The following FBXO40 variants were observed in gnomAD, a reference collection of about 807,000 sequenced individuals.
FBXO40 encodes the protein F-box protein 40.
A neutral mutation model predicts 49.9 loss-of-function variants in FBXO40; 50 were observed. The ratio of observed to expected loss-of-function variants is 1.00; its 90% CI spans 0.80 to 1.27. The LOEUF is 1.27. FBXO40 is among the 50% of genes most tolerant of loss of function. The probability of loss-of-function intolerance (pLI) is 0.00; values close to 1 mark genes in which losing one functional copy is unlikely to be tolerated. For synonymous variants in FBXO40, 340 were observed against 320.2 expected, an observed-to-expected ratio of 1.06 and a Z score of -0.66; for missense variants, 895 against 870.1, an observed-to-expected ratio of 1.03 and a Z score of -0.36.
rs766483889 is a variant in FBXO40 at position 121,622,223 on chromosome 3, A to G, written c.794A>G (p.Lys265Arg). ...HNMVEGEGAP[K>R]KKEPQENQKQ... ...ATGGTAGAAGGAGAGGGCGCTCCCA[A>G]AAAGAAAGAACCACAGGAAAATCAG... The change falls in exon 3 of 4, where the codon AAA becomes AGA. Residue 265 changes from lysine (K) to arginine (R), a missense_variant. Lys to Arg is a conservative substitution (Grantham distance 26). Transcript: ENST00000338040. 2.6e-5 allele frequency: 42 copies of G among 1,613,990 alleles called. No individual in the cohort carries two copies. In the Admixed American group the frequency reaches 6.7e-4, roughly 26 times the overall value.
In FBXO40 at chr3:121,621,964, G is replaced by C; in HGVS notation, c.535G>C (p.Gly179Arg). The C allele has an allele frequency of 1.2e-6, 2 of 1,614,178 alleles. No homozygotes were observed. Among genetic ancestry groups the C allele is most frequent in the South Asian group, 1.1e-5 (1 of 91,080 alleles). Residue 179 changes from glycine (G) to arginine (R), a missense_variant, in exon 3 of 4, where the codon GGT becomes CGT. By Grantham distance (125) the Gly-to-Arg change is moderately radical (BLOSUM62 -2). Transcript: ENST00000338040. ...AGGAGCAGTGGGTGGAGTGGATATCGGTTTGGTACCACATGGTCTGTCAGC... is the reference window on the plus strand; with the variant it reads ...AGGAGCAGTGGGTGGAGTGGATATCCGTTTGGTACCACATGGTCTGTCAGC... Reference protein sequence around the residue: ...MGGAVGGVDIGLVPHGLSATN... With the variant: ...MGGAVGGVDIRLVPHGLSATN...
chr3:121,611,522 C>T (rs1422885252), intron 1 of FBXO40, among the ~76,000 whole-genome samples: 1 of 152,178 alleles, frequency 6.6e-6, no homozygotes, highest in Non-Finnish European at 1.5e-5. Context: ...TGACTCCCAC[C>T]ATAGGGTGGT....
chr3:121,613,990 T>C (rs6772887), intron 1 of FBXO40, among the ~76,000 whole-genome samples: 87,113 of 151,314 alleles, frequency 0.58, 25,442 homozygotes, highest in Admixed American at 0.64. Flanking sequence ...AAAATTAGAC[T>C]GGGCGCAGTG....
chr3:121,601,358 C>G (rs1159734477), intron 1 of FBXO40, among the ~76,000 whole-genome samples: 1 of 152,046 alleles, frequency 6.6e-6, no homozygotes, highest in Non-Finnish European at 1.5e-5. Context: ...CTCAAAGTCA[C>G]TCATCGGGTG....
At chr3:121,603,413 T>G (rs1021229991) in intron 1 of FBXO40, among the ~76,000 whole-genome samples, 1 of 152,252 alleles carries the variant, frequency 6.6e-6, no homozygotes, top group Non-Finnish European at 1.5e-5. Flanking sequence ...CATGCTCTGA[T>G]GTGCTCACTA....
In FBXO40 at chr3:121,621,678, G is replaced by C; in HGVS notation, c.249G>C (p.Lys83Asn). Residue 83 changes from lysine to asparagine, a missense_variant, in exon 3 of 4, where the codon AAG (lysine) becomes AAC (asparagine). Lys to Asn is a moderately conservative substitution (Grantham distance 94, BLOSUM62 0). Coordinates refer to ENST00000338040, the MANE Select transcript of FBXO40 (RefSeq NM_016298.4). ...PLSMSRHKLA[K>N]HLQVCPASVV... ...CCATGTCCCGCCACAAACTGGCCAA[G>C]CACCTGCAGGTGTGCCCCGCCAGCG... The C allele has an allele frequency of 6.2e-7, 1 of 1,614,224 alleles. No individual in the cohort carries two copies. Among genetic ancestry groups the C allele is most frequent in the Non-Finnish European group, 8.5e-7 (1 of 1,180,018 alleles).
Position 121,628,885 on chromosome 3 carries a change from G to C in FBXO40, c.*1975G>C, listed in dbSNP as rs1354062675. 1 of 152,172 alleles carries C rather than the reference G, an allele frequency of 6.6e-6. No homozygotes were observed. Among genetic ancestry groups the C allele is most frequent in the Non-Finnish European group, 1.5e-5 (1 of 68,036 alleles). 9.4% of individuals were successfully genotyped at this position (152,172 alleles called of 1,614,324 possible). A position where few individuals can be genotyped will look rare whatever the true frequency, so the allele number is the denominator to read the frequency against. On this transcript the variant is annotated 3_prime_UTR_variant, in exon 4 of 4. Coordinates refer to ENST00000338040, the MANE Select transcript of FBXO40 (RefSeq NM_016298.4). ...TCTCTTTGGTTATACCTGAAGCCAGGAGCGTTGAGTTATTAGCCTTGTGTT... is the reference window on the plus strand; with the variant it reads ...TCTCTTTGGTTATACCTGAAGCCAGCAGCGTTGAGTTATTAGCCTTGTGTT...
intron 1 of FBXO40, among the ~76,000 whole-genome samples, chr3:121,603,787 C>T: frequency 6.6e-6 from 1 of 152,146 alleles, no homozygotes; most frequent in Non-Finnish European, 1.5e-5. Flanking sequence ...GGCACGATCT[C>T]AGCTCACTGC....
chr3:121,605,149 C>T (rs1011259664), intron 1 of FBXO40, among the ~76,000 whole-genome samples: 14 of 151,974 alleles, frequency 9.2e-5, no homozygotes, highest in African/African-American at 3.1e-4. Context: ...ATTGGCCAGG[C>T]TGGTCTCAAA....
At chr3:121,623,573 T>G (rs190320483) in intron 3 of FBXO40, among the ~76,000 whole-genome samples, 1 of 152,156 alleles carries the variant, frequency 6.6e-6, no homozygotes, top group South Asian at 2.1e-4. Flanking sequence ...TACTGTGTTG[T>G]GCAGGCTGGT....
Position 121,622,093 on chromosome 3 carries a change from T to G in FBXO40, c.664T>G (p.Phe222Val). Reference protein sequence around the residue: ...LVKFGQWENIFSKEHAASALT... With the variant: ...LVKFGQWENIVSKEHAASALT... ...CAAGTTTGGCCAGTGGGAAAATATT[T>G]TCAGCAAAGAGCACGCAGCCTCTGC... Residue 222 changes from phenylalanine (F) to valine (V), a missense_variant, in exon 3 of 4, where the codon TTC becomes GTC. Phe to Val is a conservative substitution (Grantham distance 50, BLOSUM62 -1). Transcript: ENST00000338040. The G allele has an allele frequency of 6.2e-7, 1 of 1,614,150 alleles. No individual in the cohort carries two copies. Among genetic ancestry groups the G allele is most frequent in the Non-Finnish European group, 8.5e-7 (1 of 1,180,028 alleles).
chr3:121,606,111 G>T (rs566449073), intron 1 of FBXO40, among the ~76,000 whole-genome samples: 7 of 152,196 alleles, frequency 4.6e-5, no homozygotes, highest in Non-Finnish European at 1.0e-4. Flanking sequence ...AGTAAAAGAC[G>T]ACCAGGAGGA....
At chr3:121,593,898 C>T (rs2048856052) in intron 1 of FBXO40, among the ~76,000 whole-genome samples, 1 of 152,164 alleles carries the variant, frequency 6.6e-6, no homozygotes, top group Non-Finnish European at 1.5e-5. Context: ...GACAGTCTTG[C>T]TCTGTCACCC....
chr3:121,629,357 C>T lies in FBXO40; in HGVS notation c.*2447C>T, dbSNP rs2108853648. 6.6e-6 allele frequency: 1 copy of T among 152,308 alleles called. No individual in the cohort carries two copies. The highest frequency in any genetic ancestry group is 2.4e-5 in the African/African-American group (1 of 41,564). The allele number at this position is 152,308 out of a possible 1,614,324, so 9.4% of individuals were successfully genotyped here. On this transcript the variant is annotated 3_prime_UTR_variant, in exon 4 of 4. Coordinates refer to ENST00000338040, the MANE Select transcript of FBXO40 (RefSeq NM_016298.4). ...AGATGAGTAACTGGAAAGAAGCTAA[C>T]ACTGCAGTGGGAAGGAAGGAAGAGA...
chr3:121,618,455 C>A (rs894093536), intron 1 of FBXO40, among the ~76,000 whole-genome samples: 1 of 141,186 alleles, frequency 7.1e-6, no homozygotes, highest in African/African-American at 2.7e-5. Context: ...GGCGTGATCT[C>A]GATTCACTGC....
rs746009987 is a variant in FBXO40 at position 121,626,745 on chromosome 3, T to C, written c.1965T>C (p.Asn655=). The C allele has an allele frequency of 1.9e-6, 3 of 1,614,188 alleles. No individual in the cohort carries two copies. In the South Asian group the frequency reaches 3.3e-5, roughly 18 times the overall value. The change falls in exon 4 of 4, where the codon AAT becomes AAC. Residue 655 remains asparagine, a synonymous_variant. Coordinates refer to ENST00000338040, the MANE Select transcript of FBXO40 (RefSeq NM_016298.4). ...LFSKIKSWEF[N]EVTSMSEHLK... is the part of the protein sequence containing the mutation. Reference sequence around the variant, plus strand: ...CCAAAATCAAGAGCTGGGAGTTTAATGAAGTCACCTCCATGTCTGAGCACC... The same window carrying C: ...CCAAAATCAAGAGCTGGGAGTTTAACGAAGTCACCTCCATGTCTGAGCACC...
chr3:121,621,862 G>A lies in FBXO40; in HGVS notation c.433G>A (p.Glu145Lys). ...KVLFRSLKMV[E>K]LFPETREATE... ...CCTCTTCAGATCCTTGAAAATGGTG[G>A]AACTTTTCCCAGAAACTAGAGAGGC... The change falls in exon 3 of 4, where the codon GAA (glutamate) becomes AAA (lysine). Residue 145 changes from glutamate (E) to lysine (K), a missense_variant. By Grantham distance (56) the Glu-to-Lys change is moderately conservative. Coordinates refer to ENST00000338040, the MANE Select transcript of FBXO40 (RefSeq NM_016298.4). The A allele has an allele frequency of 6.2e-7, 1 of 1,614,184 alleles. No individual in the cohort carries two copies. Among genetic ancestry groups the A allele is most frequent in the South Asian group, 1.1e-5 (1 of 91,070 alleles).
intron 1 of FBXO40, among the ~76,000 whole-genome samples, chr3:121,597,467 T>C (rs1390627381): frequency 1.3e-5 from 2 of 151,898 alleles, no homozygotes; most frequent in Non-Finnish European, 2.9e-5. Context: ...GAATATAAGA[T>C]ACATTGGAGT....
rs1314424609 is a variant in FBXO40 at position 121,622,894 on chromosome 3, C to T, written c.1465C>T (p.Pro489Ser). The change falls in exon 3 of 4, where the codon CCC (proline) becomes TCC (serine). Residue 489 changes from proline to serine, a missense_variant. Physicochemically the swap from Pro to Ser is moderately conservative, Grantham distance 74. Transcript: ENST00000338040. ...CAAATTCTTCAGGAGGGATGAGTTC[C>T]CCCTGCACTTCAAGAATGTCCACAC... is the stretch of plus-strand genomic sequence containing the variant. The part of the protein sequence containing the change: ...CNKFFRRDEF[P>S]LHFKNVHTDI... 1.2e-6 allele frequency: 2 copies of T among 1,614,062 alleles called. No individual in the cohort carries two copies. Among genetic ancestry groups the T allele is most frequent in the African/African-American group, 1.3e-5 (1 of 74,916 alleles).
Sources: allele counts gnomAD v4.1 joint callset (sites outside exome capture counted in the v4.1 genomes callset), GRCh38; gene constraint gnomAD v4.1.1; transcripts MANE v1.5; gene names NCBI Gene and HGNC (gene_info 2026-07-23, HGNC 2026-07-21).